Variants in STARD5 observed in about 807,000 individuals in gnomAD.
STARD5 encodes the protein StAR related lipid transfer domain containing 5.
STARD5 carries 26 observed loss-of-function variants against 24.6 expected under a neutral mutation model. That is an observed-to-expected ratio of 1.06 (90% CI 0.77 to 1.47). The LOEUF (loss-of-function observed/expected upper bound fraction) is 1.47, where lower values mean the gene tolerates loss of function less well. Among genes scored for constraint, STARD5 ranks in the 40% most tolerant of loss-of-function variants. STARD5 has a pLI of 0.00. For missense variants in STARD5, 254 were observed against 270.8 expected, an observed-to-expected ratio of 0.94 and a Z score of 0.44; for synonymous variants, 101 against 99.7, an observed-to-expected ratio of 1.01 and a Z score of -0.07.
At chr15:81,321,425 T>C (rs4611404) in intron 3 of STARD5, among the ~76,000 whole-genome samples, 13,710 of 151,862 alleles carry the variant, frequency 0.09, 951 homozygotes, top group African/African-American at 0.19. Flanking sequence ...TCCCAGCCAA[T>C]ATGGTGAAAC....
chr15:81,321,903 T>G (rs1893297599), intron 3 of STARD5, among the ~76,000 whole-genome samples: 1 of 152,206 alleles, frequency 6.6e-6, no homozygotes, highest in African/African-American at 2.4e-5. Context: ...GATTTACATG[T>G]CAAAAATGAC....
chr15:81,319,476 T>C lies in STARD5; in HGVS notation c.283-20A>G. ...CAGGGTCTGCCAAACCAAAGAAGCA[T>C]GTAGCTGTGACTGCTGGCCAGACAT... On this transcript the variant is annotated intron_variant, in intron 3 of 5. Coordinates refer to ENST00000302824, the MANE Select transcript of STARD5 (RefSeq NM_181900.3). The C allele has an allele frequency of 6.2e-7, 1 of 1,607,746 alleles. No individual in the cohort carries two copies. Among genetic ancestry groups the C allele is most frequent in the Non-Finnish European group, 8.5e-7 (1 of 1,174,278 alleles).
In STARD5 at chr15:81,313,310, G is replaced by A. The variant is rs150403894; in HGVS notation, c.588C>T (p.Ser196=). ...QNVVDSFFPR[S]MTRFYANLQK... ...GAAGGTTGGCATAAAACCGGGTCAT[G>A]CTGCGGGGGAAGAAGGAGTCCACCA... Residue 196 remains serine (S), a synonymous_variant, in exon 6 of 6, where the codon AGC becomes AGT. Transcript: ENST00000302824. 17 of 1,579,716 alleles carry A rather than the reference G, an allele frequency of 1.1e-5. No individual in the cohort carries two copies. In the African/African-American group the frequency reaches 1.2e-4, roughly 11 times the overall value.
At chr15:81,320,785 C>T (rs770018110) in intron 3 of STARD5, among the ~76,000 whole-genome samples, 8 of 152,114 alleles carry the variant, frequency 5.3e-5, no homozygotes, top group Non-Finnish European at 1.2e-4. Flanking sequence ...TGATGACTGC[C>T]TCCAAGTGCA....
At chr15:81,318,624 GCCTCTT>G in intron 4 of STARD5, 122 bp from the exon 5 acceptor site, 1 of 813,304 alleles carries the variant, frequency 1.2e-6, no homozygotes, top group Non-Finnish European at 2.0e-6. Flanking sequence ...AGGGACTCCT[GCCTCTT>G]GGCGTGAGTT....
intron 1 of STARD5, 163 bp from the exon 2 acceptor site, chr15:81,323,111 G>A: frequency 1.5e-6 from 1 of 674,626 alleles, no homozygotes; most frequent in Non-Finnish European, 2.6e-6. Flanking sequence ...CTTGGGCAAA[G>A]CTGTCCCCAC....
At position 81,311,036 on chromosome 15, in the gene STARD5, G is replaced by A. The variant is rs975330850; in HGVS notation, c.*2220C>T. 6.6e-6 allele frequency: 1 copy of A among 152,190 alleles called. No individual in the cohort carries two copies. Among genetic ancestry groups the A allele is most frequent in the Non-Finnish European group, 1.5e-5 (1 of 68,034 alleles). The allele number at this position is 152,190 out of a possible 1,614,324, so 9.4% of individuals were successfully genotyped here. On this transcript the variant is annotated 3_prime_UTR_variant, in exon 6 of 6. Coordinates refer to ENST00000302824, the MANE Select transcript of STARD5 (RefSeq NM_181900.3). ...GCCCAGGTTTCTGGTCTCTAGGCTGGGGAAGTCCTCTGGGTAGGAATCAGC... is the reference window on the plus strand; with the variant it reads ...GCCCAGGTTTCTGGTCTCTAGGCTGAGGAAGTCCTCTGGGTAGGAATCAGC...
rs1475763017 is a variant in STARD5, at chr15:81,309,510, C to G, written c.*3746G>C. 1 of 152,328 alleles carries G rather than the reference C, an allele frequency of 6.6e-6. No individual in the cohort carries two copies. The highest frequency in any genetic ancestry group is 1.5e-5 in the Non-Finnish European group (1 of 68,104). The allele number at this position is 152,328 out of a possible 1,614,324, so 9.4% of individuals were successfully genotyped here. Reference sequence around the variant, plus strand: ...TGGCATCACCTCCACCATACTCCATCAGTTAGAGCTGACACAAACCTGCCT... The same window carrying G: ...TGGCATCACCTCCACCATACTCCATGAGTTAGAGCTGACACAAACCTGCCT... On this transcript the variant is annotated 3_prime_UTR_variant, in exon 6 of 6. Transcript: ENST00000302824.
chr15:81,318,912 G>A (rs4778893), intron 4 of STARD5, among the ~76,000 whole-genome samples: 37,838 of 152,054 alleles, frequency 0.25, 5,464 homozygotes, highest in East Asian at 0.46. Flanking sequence ...CAACTCTCCC[G>A]CGTAGAAGAA....
chr15:81,321,306 AT>A (rs1032266945), intron 3 of STARD5, among the ~76,000 whole-genome samples: 10 of 152,030 alleles, frequency 6.6e-5, no homozygotes, highest in African/African-American at 2.2e-4. Flanking sequence ...CCTCAATCCA[AT>A]TTTTTAAAAA....
intron 1 of STARD5, 63 bp from the exon 2 acceptor site, chr15:81,323,011 T>C (rs1893321030): frequency 6.3e-7 from 1 of 1,587,468 alleles, no homozygotes; most frequent in Non-Finnish European, 8.6e-7. Context: ...CCTGGCTTAA[T>C]CCCCTGTTCT....
intron 3 of STARD5, 43 bp from the exon 4 acceptor site, chr15:81,319,499 C>T (rs1901152365): frequency 6.5e-7 from 1 of 1,549,642 alleles, no homozygotes; most frequent in African/African-American, 1.4e-5. Flanking sequence ...GCTGGCCAGA[C>T]ATCTTCTCCC....
At chr15:81,314,315 C>T (rs1479472120) in intron 5 of STARD5, among the ~76,000 whole-genome samples, 1 of 152,124 alleles carries the variant, frequency 6.6e-6, no homozygotes, top group Non-Finnish European at 1.5e-5. Flanking sequence ...CGGCAGGTGG[C>T]ACAGATGCTG....
chr15:81,323,759 G>C, intron 1 of STARD5: 1 of 730,116 alleles, frequency 1.4e-6, no homozygotes. Context: ...CAACAGCCAG[G>C]TGACCTTGGG....
intron 3 of STARD5, among the ~76,000 whole-genome samples, chr15:81,321,479 G>A (rs147674847): frequency 0.015 from 2,351 of 151,898 alleles, 68 homozygotes; most frequent in African/African-American, 0.052. Flanking sequence ...GCATGGTGGC[G>A]TGCCCCTGTA....
In STARD5 at chr15:81,313,184, C is replaced by A. The variant is rs1040363756; in HGVS notation, c.*72G>T. The A allele has an allele frequency of 4.8e-6, 7 of 1,450,648 alleles. No individual in the cohort carries two copies. Among genetic ancestry groups the A allele is most frequent in the Non-Finnish European group, 5.5e-6 (6 of 1,093,954 alleles). The allele number at this position is 1,450,648 out of a possible 1,614,324, so 89.9% of individuals were successfully genotyped here. On this transcript the variant is annotated 3_prime_UTR_variant, in exon 6 of 6. Coordinates refer to ENST00000302824, the MANE Select transcript of STARD5 (RefSeq NM_181900.3). The stretch of plus-strand genomic sequence containing the variant: ...ACACAGGCCTCTGCGTGCTCCCAGG[C>A]TCCTTGGTGTCCCAACAGCTGGAGC...
At position 81,316,925 on chromosome 15, in the gene STARD5, G is replaced by A. The variant is rs561570840; in HGVS notation, c.494+1484C>T. Among the ~76,000 whole-genome samples the A allele has an allele frequency of 7.6e-4, 115 of 152,248 alleles. 1 individual carries two copies. Among genetic ancestry groups the A allele is most frequent in the Non-Finnish European group, 9.4e-4 (64 of 68,032 alleles). ...CAAAATCCATGCAATCGGGCCAGGCGCGGTGACTCACGCCTGTAATCACAG... is the reference window on the plus strand; with the variant it reads ...CAAAATCCATGCAATCGGGCCAGGCACGGTGACTCACGCCTGTAATCACAG... On this transcript the variant is annotated intron_variant, in intron 5 of 5. Coordinates refer to ENST00000302824, the MANE Select transcript of STARD5 (RefSeq NM_181900.3).
rs965529504 is a variant in STARD5, at chr15:81,312,772, A to G, written c.*484T>C. The G allele has an allele frequency of 2.6e-5, 4 of 152,414 alleles. No individual in the cohort carries two copies. The highest frequency in any genetic ancestry group is 9.6e-5 in the African/African-American group (4 of 41,470). The allele number at this position is 152,414 out of a possible 1,614,324, so 9.4% of individuals were successfully genotyped here. A position where few individuals can be genotyped will look rare whatever the true frequency, so the allele number is the denominator to read the frequency against. On this transcript the variant is annotated 3_prime_UTR_variant, in exon 6 of 6. Coordinates refer to ENST00000302824, the MANE Select transcript of STARD5 (RefSeq NM_181900.3). ...GGCATTAAAGCCATATACAAGGTCTATATCAGAAAAATATATTTGGGGGGC... is the reference window on the plus strand; with the variant it reads ...GGCATTAAAGCCATATACAAGGTCTGTATCAGAAAAATATATTTGGGGGGC...
At position 81,311,940 on chromosome 15, in the gene STARD5, C is replaced by T. The variant is rs1900877636; in HGVS notation, c.*1316G>A. ...TTTAAAGCTTGCTCACATCTTGGCA[C>T]ATTTAAGAGACAGTCACCCCAGGAC... On this transcript the variant is annotated 3_prime_UTR_variant, in exon 6 of 6. Coordinates refer to ENST00000302824, the MANE Select transcript of STARD5 (RefSeq NM_181900.3). 6.6e-6 allele frequency: 1 copy of T among 152,198 alleles called. No homozygotes were observed. Among genetic ancestry groups the T allele is most frequent in the African/African-American group, 2.4e-5 (1 of 41,438 alleles). The allele number at this position is 152,198 out of a possible 1,614,324, so 9.4% of individuals were successfully genotyped here.
Sources: allele counts gnomAD v4.1 joint callset (sites outside exome capture counted in the v4.1 genomes callset), GRCh38; gene constraint gnomAD v4.1.1; transcripts MANE v1.5; gene names NCBI Gene and HGNC (gene_info 2026-07-23, HGNC 2026-07-21).